ENPP6: variants seen among roughly 807,000 people sequenced by gnomAD.
The protein encoded by ENPP6 is glycerophosphocholine cholinephosphodiesterase ENPP6.
Under a neutral mutation model 42.0 loss-of-function variants are expected in ENPP6, and 32 were observed. The observed-to-expected ratio is 0.76, with a 90% CI of 0.58 to 1.02. The LOEUF (loss-of-function observed/expected upper bound fraction) is 1.02, where lower values mean the gene tolerates loss of function less well. ENPP6 is among the 50% of genes least tolerant of loss of function. ENPP6 has a pLI of 0.00. For synonymous variants in ENPP6, 213 were observed against 216.0 expected, an observed-to-expected ratio of 0.99 and a Z score of 0.12; for missense variants, 552 against 566.8, an observed-to-expected ratio of 0.97 and a Z score of 0.27.
At chr4:184,151,013 C>T (rs1737014901) in intron 2 of ENPP6, among the ~76,000 whole-genome samples, 2 of 152,328 alleles carry the variant, frequency 1.3e-5, no homozygotes, top group South Asian at 4.1e-4. Context: ...TTTCTTTAGA[C>T]ACTCAGTGCT....
At chr4:184,096,386 A>C (rs1056068837) in intron 7 of ENPP6, among the ~76,000 whole-genome samples, 2 of 152,238 alleles carry the variant, frequency 1.3e-5, no homozygotes, top group Admixed American at 1.3e-4. Flanking sequence ...TACAGGTATC[A>C]GGGTAAGCTG....
At chr4:184,145,125 A>G (rs1178397733) in intron 2 of ENPP6, among the ~76,000 whole-genome samples, 7 of 152,232 alleles carry the variant, frequency 4.6e-5, no homozygotes, top group Admixed American at 2.0e-4. Flanking sequence ...CACTGCCTCA[A>G]GGAGAGACCC....
intron 6 of ENPP6, among the ~76,000 whole-genome samples, chr4:184,103,726 G>A (rs921789336): frequency 2.6e-5 from 4 of 152,370 alleles, no homozygotes; most frequent in South Asian, 2.1e-4. Flanking sequence ...TTTGGAGCCC[G>A]TGGGAGTGGT....
At chr4:184,123,060 AC>A (rs1458309452) in intron 3 of ENPP6, among the ~76,000 whole-genome samples, 1 of 152,118 alleles carries the variant, frequency 6.6e-6, no homozygotes, top group African/African-American at 2.4e-5. Context: ...GAGAGCATGA[AC>A]CTTTATGAAC....
intron 6 of ENPP6, among the ~76,000 whole-genome samples, chr4:184,111,624 G>C (rs1373059673): frequency 6.6e-6 from 1 of 152,206 alleles, no homozygotes; most frequent in Non-Finnish European, 1.5e-5. Flanking sequence ...GACCTCGCTG[G>C]TCTCTGCTCT....
intron 1 of ENPP6, among the ~76,000 whole-genome samples, chr4:184,164,213 C>G (rs1015785865): frequency 6.6e-6 from 1 of 152,210 alleles, no homozygotes; most frequent in Non-Finnish European, 1.5e-5. Context: ...ATTCATGATA[C>G]TCTCCGGGCT....
At chr4:184,094,643 T>C (rs1052816843) in intron 7 of ENPP6, among the ~76,000 whole-genome samples, 2 of 152,238 alleles carry the variant, frequency 1.3e-5, no homozygotes, top group Admixed American at 1.3e-4. Flanking sequence ...TCCTCGCGTG[T>C]TTACATTTTT....
chr4:184,091,173 T>C lies in ENPP6; in HGVS notation c.*4A>G. ...TTTTTTTCTGAGACAAGCAATATGA[T>C]CAGTTATGCAAGCAGGAAGAGAAGA... On this transcript the variant is annotated 3_prime_UTR_variant, in exon 8 of 8. Transcript: ENST00000296741. 6.6e-7 allele frequency: 1 copy of C among 1,521,282 alleles called. No individual in the cohort carries two copies. 94.2% of individuals were successfully genotyped at this position (1,521,282 alleles called of 1,614,324 possible).
chr4:184,131,516 G>T (rs1736633787), intron 2 of ENPP6, among the ~76,000 whole-genome samples: 1 of 88,958 alleles, frequency 1.1e-5, no homozygotes. Context: ...ACCATGCCCA[G>T]CTAATTTTTT....
At chr4:184,191,944 G>A (rs1294454289) in intron 1 of ENPP6, among the ~76,000 whole-genome samples, 4 of 152,094 alleles carry the variant, frequency 2.6e-5, no homozygotes, top group Admixed American at 6.5e-5. Context: ...CCAAATGTAC[G>A]CTGAAAGCTA....
At chr4:184,194,410 G>C (rs1272003985) in intron 1 of ENPP6, among the ~76,000 whole-genome samples, 1 of 152,200 alleles carries the variant, frequency 6.6e-6, no homozygotes, top group South Asian at 2.1e-4. Flanking sequence ...TTCTGGCAGG[G>C]AGGAAAGAAA....
chr4:184,149,698 C>G (rs1339571790), intron 2 of ENPP6, among the ~76,000 whole-genome samples: 1 of 152,144 alleles, frequency 6.6e-6, no homozygotes, highest in African/African-American at 2.4e-5. Context: ...GAACTTAGAA[C>G]TCCAAAGAGT....
intron 1 of ENPP6, among the ~76,000 whole-genome samples, chr4:184,170,319 G>A (rs1227911084): frequency 1.3e-5 from 2 of 152,054 alleles, no homozygotes; most frequent in African/African-American, 4.8e-5. Context: ...AGTACTAGCT[G>A]CTCAGGAGGC....
chr4:184,135,444 C>A (rs973822601), intron 2 of ENPP6, among the ~76,000 whole-genome samples: 1 of 152,124 alleles, frequency 6.6e-6, no homozygotes, highest in African/African-American at 2.4e-5. Context: ...CATGAAATGT[C>A]CTTAACTTAA....
chr4:184,157,653 C>T (rs1488408256), intron 1 of ENPP6, among the ~76,000 whole-genome samples: 3 of 151,366 alleles, frequency 2.0e-5, no homozygotes, highest in Non-Finnish European at 4.4e-5. Context: ...CACTTTGTCA[C>T]CCAGGCTGGA....
chr4:184,151,689 C>T (rs527925540), intron 2 of ENPP6, among the ~76,000 whole-genome samples: 7 of 152,132 alleles, frequency 4.6e-5, no homozygotes, highest in Non-Finnish European at 8.8e-5. Context: ...GCAGTGTGCC[C>T]AATCCATTCC....
chr4:184,093,837 C>A (rs144607341), intron 7 of ENPP6, among the ~76,000 whole-genome samples: 4 of 151,960 alleles, frequency 2.6e-5, no homozygotes, highest in African/African-American at 9.7e-5. Context: ...GTTGTTCCAG[C>A]GGCATGGAAG....
chr4:184,174,518 C>A lies in ENPP6; in HGVS notation c.242-20785G>T, dbSNP rs1303828702. Among the ~76,000 whole-genome samples, 4 of 137,122 alleles carry A rather than the reference C, an allele frequency of 2.9e-5. No homozygotes were observed. In the East Asian group the frequency reaches 9.1e-4, roughly 31 times the overall value. 90.0% of individuals were successfully genotyped at this position (137,122 alleles called of 152,430 possible). A position where few individuals can be genotyped will look rare whatever the true frequency, so the allele number is the denominator to read the frequency against. ...ACATCTACTCTCTGTGAGCACTGTG[C>A]TGTGAGGGTTCCAGAATGACCTCAT... On this transcript the variant is annotated intron_variant, in intron 1 of 7. Coordinates refer to ENST00000296741, the MANE Select transcript of ENPP6 (RefSeq NM_153343.4).
chr4:184,183,814 C>G (rs1732592029), intron 1 of ENPP6, among the ~76,000 whole-genome samples: 1 of 152,236 alleles, frequency 6.6e-6, no homozygotes, highest in African/African-American at 2.4e-5. Flanking sequence ...GCAACTGCCT[C>G]ACCAGCAGAA....
Sources: allele counts gnomAD v4.1 joint callset (sites outside exome capture counted in the v4.1 genomes callset), GRCh38; gene constraint gnomAD v4.1.1; transcripts MANE v1.5; gene names NCBI Gene and HGNC (gene_info 2026-07-23, HGNC 2026-07-21).